The following HSPB8 variants were observed in gnomAD, a reference collection of about 807,000 sequenced individuals.
HSPB8 encodes the protein heat shock protein beta-8.
In HSPB8, 9 loss-of-function variants were observed where a neutral mutation model predicts 16.5. The observed-to-expected ratio is 0.55, with a 90% CI of 0.33 to 0.95. The LOEUF (loss-of-function observed/expected upper bound fraction) is 0.95. Among genes scored for constraint, HSPB8 ranks in the 40% least tolerant of loss-of-function variants. HSPB8 has a pLI of 0.03. For synonymous variants in HSPB8, 99 were observed against 94.8 expected (o/e 1.04, Z -0.26); for missense variants, 238 against 251.2 (o/e 0.95, Z 0.35).
intron 2 of HSPB8, among the ~76,000 whole-genome samples, chr12:119,191,332 C>T (rs1432013075): frequency 6.6e-6 from 1 of 152,218 alleles, no homozygotes; most frequent in Non-Finnish European, 1.5e-5. Context: ...CCCTGTCACA[C>T]TGTACCTGGT....
chr12:119,186,606 T>C (rs1244223815), intron 1 of HSPB8, among the ~76,000 whole-genome samples: 1 of 152,180 alleles, frequency 6.6e-6, no homozygotes, highest in East Asian at 1.9e-4. Context: ...CCTCAGCATG[T>C]GACCCCGCTT....
Position 119,183,020 on chromosome 12 carries a change from G to A in HSPB8, c.367+3341G>A, listed in dbSNP as rs532127210. 2.8e-4 allele frequency: 43 copies of A among 152,282 alleles called. 1 individual carries two copies. The highest frequency in any genetic ancestry group is 9.1e-4 in the African/African-American group (38 of 41,544). The allele number at this position is 152,282 out of a possible 1,614,324, so 9.4% of individuals were successfully genotyped here. A position where few individuals can be genotyped will look rare whatever the true frequency, so the allele number is the denominator to read the frequency against. On this transcript the variant is annotated intron_variant, in intron 1 of 2. Coordinates refer to ENST00000281938, the MANE Select transcript of HSPB8 (RefSeq NM_014365.3). ...CTCTGGAGCCTCAGTTTTACTGTTG[G>A]TCTTATGAAGAGGTAGACAAGATCA... is the stretch of plus-strand genomic sequence containing the variant.
At chr12:119,185,103 G>A (rs116824086) in intron 1 of HSPB8, among the ~76,000 whole-genome samples, 1,702 of 151,740 alleles carry the variant, frequency 0.011, 29 homozygotes, top group African/African-American at 0.038. Context: ...TGGGGTGACA[G>A]GATTATAAGT....
At position 119,179,830 on chromosome 12, in the gene HSPB8, C is replaced by G. The variant is rs560225560; in HGVS notation, c.367+151C>G. The stretch of plus-strand genomic sequence containing the variant: ...TCAGGAATGCAGCCTGCAAAGTTAT[C>G]TTTACGGAAAACTTCTCTCCCGGCT... On this transcript the variant is annotated intron_variant, in intron 1 of 2. Coordinates refer to ENST00000281938, the MANE Select transcript of HSPB8 (RefSeq NM_014365.3). 5.0e-5 allele frequency: 54 copies of G among 1,087,462 alleles called. No homozygotes were observed. The Middle Eastern group carries it at 1.3e-3, about 25-fold the overall frequency. 67.4% of individuals were successfully genotyped at this position (1,087,462 alleles called of 1,614,324 possible).
In HSPB8 at chr12:119,179,580, C is replaced by T; in HGVS notation, c.268C>T (p.Pro90Ser). Residue 90 changes from proline to serine, a missense_variant, in exon 1 of 3, where the codon CCC becomes TCC. By Grantham distance (74) the Pro-to-Ser change is moderately conservative. Transcript: ENST00000281938. ...GVPAEGRTPP[P>S]FPGEPWKVCV... Reference sequence around the variant, plus strand: ...GCCTGCCGAGGGCAGGACCCCCCCACCCTTCCCTGGGGAGCCCTGGAAAGT... The same window carrying T: ...GCCTGCCGAGGGCAGGACCCCCCCATCCTTCCCTGGGGAGCCCTGGAAAGT... 6 of 1,612,266 alleles carry T rather than the reference C, an allele frequency of 3.7e-6. No individual in the cohort carries two copies. Among genetic ancestry groups the T allele is most frequent in the Non-Finnish European group, 5.1e-6 (6 of 1,178,924 alleles).
chr12:119,183,606 A>G (rs114080577), intron 1 of HSPB8, among the ~76,000 whole-genome samples: 2,160 of 152,320 alleles, frequency 0.014, 53 homozygotes, highest in African/African-American at 0.049. Flanking sequence ...CAGTTTACAA[A>G]AATAAAATGT....
intron 2 of HSPB8, among the ~76,000 whole-genome samples, chr12:119,192,007 C>T (rs1357103921): frequency 6.6e-6 from 1 of 152,044 alleles, no homozygotes; most frequent in Non-Finnish European, 1.5e-5. Flanking sequence ...AGCTAAAGTA[C>T]CTGGCACATA....
At chr12:119,185,534 G>A (rs767283266) in intron 1 of HSPB8, among the ~76,000 whole-genome samples, 113 of 152,146 alleles carry the variant, frequency 7.4e-4, no homozygotes, top group Admixed American at 1.2e-3. Flanking sequence ...GAGTTTCACC[G>A]TGTTGGCCAG....
chr12:119,180,520 G>T (rs1315794273), intron 1 of HSPB8, among the ~76,000 whole-genome samples: 1 of 152,154 alleles, frequency 6.6e-6, no homozygotes, highest in East Asian at 1.9e-4. Context: ...GGAGGCTGAG[G>T]CCTAGGTGGG....
At chr12:119,187,702 A>G (rs933801117) in intron 2 of HSPB8, among the ~76,000 whole-genome samples, 1 of 152,264 alleles carries the variant, frequency 6.6e-6, no homozygotes, top group East Asian at 1.9e-4. Flanking sequence ...TAAGCAAGAC[A>G]ATGACTTGTC....
intron 1 of HSPB8, among the ~76,000 whole-genome samples, chr12:119,180,034 G>A (rs1167878279): frequency 1.3e-5 from 2 of 152,156 alleles, no homozygotes; most frequent in Admixed American, 1.3e-4. Flanking sequence ...GGGATTTTGT[G>A]CACTCCAGCA....
intron 2 of HSPB8, among the ~76,000 whole-genome samples, chr12:119,187,890 T>C (rs1269563840): frequency 6.6e-6 from 1 of 152,100 alleles, no homozygotes; most frequent in Non-Finnish European, 1.5e-5. Flanking sequence ...AAAAATGAAG[T>C]TGGAAAGTGT....
intron 1 of HSPB8, among the ~76,000 whole-genome samples, chr12:119,179,905 G>C (rs1954626186): frequency 6.6e-6 from 1 of 152,196 alleles, no homozygotes; most frequent in Admixed American, 6.5e-5. Flanking sequence ...GCCTCTGGGT[G>C]CTCATCAATC....
rs1359711335 is a variant in HSPB8 at position 119,194,271 on chromosome 12, A to G, written c.*413A>G. 3.5e-6 allele frequency: 1 copy of G among 283,856 alleles called. No individual in the cohort carries two copies. Among genetic ancestry groups the G allele is most frequent in the Non-Finnish European group, 6.8e-6 (1 of 147,618 alleles). 17.6% of individuals were successfully genotyped at this position (283,856 alleles called of 1,614,324 possible). A position where few individuals can be genotyped will look rare whatever the true frequency, so the allele number is the denominator to read the frequency against. ...TCCCGATTCCCATGGCTCCCAAACC[A>G]TGCCGCATGGTTTGGTTAATGAAAC... On this transcript the variant is annotated 3_prime_UTR_variant, in exon 3 of 3. Coordinates refer to ENST00000281938, the MANE Select transcript of HSPB8 (RefSeq NM_014365.3).
intron 1 of HSPB8, among the ~76,000 whole-genome samples, chr12:119,185,007 T>C (rs893428632): frequency 6.6e-6 from 1 of 152,192 alleles, no homozygotes. Context: ...AGAATACTGA[T>C]ATACATGGAT....
intron 2 of HSPB8, among the ~76,000 whole-genome samples, chr12:119,188,972 G>A (rs1244082847): frequency 6.6e-6 from 1 of 152,146 alleles, no homozygotes; most frequent in African/African-American, 2.4e-5. Flanking sequence ...TTCCAGCTTG[G>A]GATTCTACAT....
At chr12:119,182,044 C>A (rs898396007) in intron 1 of HSPB8, 1 of 152,202 alleles carries the variant, frequency 6.6e-6, no homozygotes, top group Non-Finnish European at 1.5e-5. Context: ...TCTGTCCAGC[C>A]TGGAGGGTTT....
intron 2 of HSPB8, among the ~76,000 whole-genome samples, chr12:119,191,290 G>T (rs765022017): frequency 2.0e-5 from 3 of 152,140 alleles, no homozygotes; most frequent in Non-Finnish European, 4.4e-5. Context: ...ACGTCAGCCT[G>T]CCTGCAAAAC....
chr12:119,185,633 A>G (rs1954671303), intron 1 of HSPB8, among the ~76,000 whole-genome samples: 2 of 151,320 alleles, frequency 1.3e-5, no homozygotes, highest in Non-Finnish European at 2.9e-5. Flanking sequence ...CGCCCTGCCT[A>G]TTATTATTAT....
Sources: allele counts gnomAD v4.1 joint callset (sites outside exome capture counted in the v4.1 genomes callset), GRCh38; gene constraint gnomAD v4.1.1; transcripts MANE v1.5; gene names NCBI Gene and HGNC (gene_info 2026-07-23, HGNC 2026-07-21).